SCN1A: variants seen among roughly 807,000 people sequenced by gnomAD.
The protein encoded by SCN1A is sodium channel protein type 1 subunit alpha.
Under a neutral mutation model 193.7 loss-of-function variants are expected in SCN1A, and 13 were observed. That is an observed-to-expected ratio of 0.07 (90% CI 0.04 to 0.11). SCN1A has a LOEUF of 0.11. SCN1A is among the 10% of genes least tolerant of loss of function. SCN1A has a pLI of 1.00. For missense variants in SCN1A, 1,432 were observed against 2,451.1 expected (o/e 0.58, Z 8.78); for synonymous variants, 781 against 843.6 (o/e 0.93, Z 1.29).
At chr2:166,148,320 G>T (rs1298231951) in intron 1 of SCN1A, among the ~76,000 whole-genome samples, 1 of 152,246 alleles carries the variant, frequency 6.6e-6, no homozygotes, top group Non-Finnish European at 1.5e-5. Flanking sequence ...ATTCAATAAA[G>T]AGCCTGCTAT....
intron 24 of SCN1A, 118 bp downstream of exon 24, chr2:166,002,354 A>AT: frequency 8.7e-7 from 1 of 1,146,412 alleles, no homozygotes; most frequent in Non-Finnish European, 1.2e-6. Context: ...ACAAATTGAA[A>AT]TTTTTTAAAT....
intron 3 of SCN1A, among the ~76,000 whole-genome samples, chr2:166,076,596 A>G (rs1224034044): frequency 6.6e-6 from 1 of 152,002 alleles, no homozygotes; most frequent in Non-Finnish European, 1.5e-5. Context: ...AATGTTGAAG[A>G]AGAACAAAGT....
chr2:166,103,392 A>G (rs1688338393), intron 2 of SCN1A, among the ~76,000 whole-genome samples: 1 of 151,978 alleles, frequency 6.6e-6, no homozygotes. Context: ...TGGAGGTTGC[A>G]GTGAGCCGAG....
chr2:165,991,225 T>C lies in SCN1A; in HGVS notation c.*20A>G, dbSNP rs565537621. 162 of 1,582,492 alleles carry C rather than the reference T, an allele frequency of 1.0e-4. No homozygotes were observed. In the East Asian group the frequency reaches 3.1e-3, roughly 30 times the overall value. On this transcript the variant is annotated 3_prime_UTR_variant, in exon 29 of 29. Transcript: ENST00000674923. ...AGGCTGTAAACAATTTGTCACCCAA[T>C]TATTTTTATTTATTTTCATTTATTT...
At chr2:166,148,245 C>G (rs937739636) in intron 1 of SCN1A, among the ~76,000 whole-genome samples, 1 of 152,118 alleles carries the variant, frequency 6.6e-6, no homozygotes, top group Non-Finnish European at 1.5e-5. Flanking sequence ...TATTAAAATT[C>G]CTGGCCAATA....
chr2:166,097,886 T>C (rs1023857769), intron 2 of SCN1A, among the ~76,000 whole-genome samples: 1 of 152,214 alleles, frequency 6.6e-6, no homozygotes, highest in African/African-American at 2.4e-5. Context: ...TAGCCTCTAT[T>C]TGAAGTTGTA....
At chr2:166,130,762 T>C (rs535472184), upstream of SCN1A, among the ~76,000 whole-genome samples, 85 of 152,336 alleles carry the variant, frequency 5.6e-4, no homozygotes, top group African/African-American at 2.0e-3. Flanking sequence ...CAACTCATCA[T>C]TCTGTACACA....
rs1335328966 is a variant in SCN1A, at chr2:166,072,830, CTTCT to C, written c.264+524_264+527del. Among the ~76,000 whole-genome samples, 361 of 122,862 alleles carry C rather than the reference CTTCT, an allele frequency of 2.9e-3. 1 individual carries two copies. Among genetic ancestry groups the C allele is most frequent in the Non-Finnish European group, 4.3e-3 (278 of 64,594 alleles). The allele number at this position is 122,862 out of a possible 152,430, so 80.6% of individuals were successfully genotyped here. A position where few individuals can be genotyped will look rare whatever the true frequency, so the allele number is the denominator to read the frequency against. ...CTTCCTTCCTTCCCTCCCACCCTCT[CTTCT>C]TTCTTTTTTTTTTTTTTTTTTTTGA... On this transcript the variant is annotated intron_variant, in intron 4 of 28. Coordinates refer to ENST00000674923, the MANE Select transcript of SCN1A (RefSeq NM_001165963.4).
chr2:166,022,244 G>A (rs1387064175), intron 19 of SCN1A, among the ~76,000 whole-genome samples: 4 of 151,852 alleles, frequency 2.6e-5, no homozygotes, highest in Non-Finnish European at 5.9e-5. Context: ...AATTTCAGTG[G>A]AAAAAAGGTG....
At chr2:166,027,310 T>G (rs563573582) in intron 19 of SCN1A, 1 of 152,336 alleles carries the variant, frequency 6.6e-6, no homozygotes, top group South Asian at 2.1e-4. Context: ...CAAATGATTT[T>G]GACCTTGAGG....
chr2:166,060,257 C>T (rs1469225643), intron 4 of SCN1A: 1 of 152,120 alleles, frequency 6.6e-6, no homozygotes, highest in Non-Finnish European at 1.5e-5. Flanking sequence ...CCACAAAGCG[C>T]ATTTGAAGGA....
chr2:166,048,772 A>G, intron 10 of SCN1A, 114 bp downstream of exon 10: 1 of 727,172 alleles, frequency 1.4e-6, no homozygotes, highest in Non-Finnish European at 2.5e-6. Context: ...TAGCAAATTA[A>G]TGTCAATAAA....
At chr2:166,031,675 C>T (rs1436163550) in intron 19 of SCN1A, among the ~76,000 whole-genome samples, 1 of 152,032 alleles carries the variant, frequency 6.6e-6, no homozygotes, top group Admixed American at 6.6e-5. Context: ...TGTAAGAAAA[C>T]TTACTGGAAC....
chr2:166,009,133 T>C (rs1240859191), intron 23 of SCN1A, among the ~76,000 whole-genome samples: 40 of 151,162 alleles, frequency 2.6e-4, no homozygotes, highest in Admixed American at 2.6e-3. Context: ...ATAAAAATGA[T>C]GTGGATTTGT....
chr2:166,025,762 A>G (rs1419376368), intron 19 of SCN1A, among the ~76,000 whole-genome samples: 1 of 152,058 alleles, frequency 6.6e-6, no homozygotes, highest in African/African-American at 2.4e-5. Context: ...CTTTATGTAT[A>G]TCTTCTTCCT....
chr2:166,143,724 C>G (rs572856072), intron 1 of SCN1A, among the ~76,000 whole-genome samples: 1 of 152,212 alleles, frequency 6.6e-6, no homozygotes, highest in South Asian at 2.1e-4. Context: ...AATTCAGGCT[C>G]TCAGTTGACA....
chr2:166,042,234 A>G (rs1697269681), intron 15 of SCN1A, 58 bp downstream of exon 15: 3 of 1,543,682 alleles, frequency 1.9e-6, no homozygotes, highest in Non-Finnish European at 2.7e-6. Flanking sequence ...TTTGTTTGAA[A>G]TGAGACAATA....
At chr2:166,029,699 G>C in intron 19 of SCN1A, among the ~76,000 whole-genome samples, 1 of 152,170 alleles carries the variant, frequency 6.6e-6, no homozygotes, top group Non-Finnish European at 1.5e-5. Flanking sequence ...TAATAAATAT[G>C]TTGTATGTGC....
chr2:166,085,616 AAC>A (rs1169360605), intron 2 of SCN1A, among the ~76,000 whole-genome samples: 1 of 152,158 alleles, frequency 6.6e-6, no homozygotes, highest in Admixed American at 6.5e-5. Context: ...GGGAAAGAGA[AAC>A]AGATCCAGGA....
Sources: allele counts gnomAD v4.1 joint callset (sites outside exome capture counted in the v4.1 genomes callset), GRCh38; gene constraint gnomAD v4.1.1; transcripts MANE v1.5; gene names NCBI Gene and HGNC (gene_info 2026-07-23, HGNC 2026-07-21).